CERS3: variants seen among roughly 807,000 people sequenced by gnomAD.
CERS3 encodes the protein ceramide synthase 3.
A neutral mutation model predicts 50.3 loss-of-function variants in CERS3; 33 were observed. The observed-to-expected ratio is 0.66, with a 90% CI of 0.50 to 0.88. The LOEUF (loss-of-function observed/expected upper bound fraction) is 0.88. CERS3 is among the 40% of genes least tolerant of loss of function. The pLI is 0.00. For synonymous variants in CERS3, 176 were observed against 155.2 expected (o/e 1.13, Z -0.99); for missense variants, 470 against 460.3 (o/e 1.02, Z -0.19).
chr15:100,451,738 C>A (rs1346775743), intron 11 of CERS3, among the ~76,000 whole-genome samples: 1 of 150,950 alleles, frequency 6.6e-6, no homozygotes, highest in Non-Finnish European at 1.5e-5. Flanking sequence ...AAACAAAAAA[C>A]CAAAACAAAA....
chr15:100,490,192 T>G (rs890529971), intron 4 of CERS3, among the ~76,000 whole-genome samples: 1 of 152,214 alleles, frequency 6.6e-6, no homozygotes, highest in Non-Finnish European at 1.5e-5. Context: ...TTTTAACTAT[T>G]AGATTAAAAA....
At chr15:100,415,481 G>T (rs145047358) in intron 11 of CERS3, among the ~76,000 whole-genome samples, 1,998 of 152,226 alleles carry the variant, frequency 0.013, 56 homozygotes, top group African/African-American at 0.046. Flanking sequence ...CTACTATAAA[G>T]ACACATGCAC....
intron 2 of CERS3, chr15:100,503,618 G>A (rs1596776085): frequency 2.2e-6 from 1 of 458,352 alleles, no homozygotes; most frequent in Non-Finnish European, 4.6e-6. Flanking sequence ...ATTCTCTCTA[G>A]GCAGACACAG....
chr15:100,476,388 AC>A (rs1222667596), intron 7 of CERS3, among the ~76,000 whole-genome samples: 1 of 152,208 alleles, frequency 6.6e-6, no homozygotes, highest in Non-Finnish European at 1.5e-5. Flanking sequence ...AGTATTCCAA[AC>A]CCAAGTTGAA....
intron 1 of CERS3, among the ~76,000 whole-genome samples, chr15:100,538,992 A>T (rs1467978026): frequency 6.6e-6 from 1 of 152,096 alleles, no homozygotes; most frequent in African/African-American, 2.4e-5. Context: ...CTTTTGAGAA[A>T]TTTCTTCCAC....
intron 3 of CERS3, among the ~76,000 whole-genome samples, chr15:100,495,866 T>C (rs1018100999): frequency 6.6e-6 from 1 of 152,242 alleles, no homozygotes; most frequent in African/African-American, 2.4e-5. Context: ...TACTAAGTTG[T>C]ACAACCATTA....
chr15:100,417,034 A>G (rs1179971975), intron 11 of CERS3, among the ~76,000 whole-genome samples: 2 of 152,244 alleles, frequency 1.3e-5, no homozygotes, highest in African/African-American at 2.4e-5. Context: ...ATACCATTTC[A>G]CACCAGTCAG....
intron 11 of CERS3, among the ~76,000 whole-genome samples, chr15:100,450,498 T>C (rs971932521): frequency 6.9e-6 from 1 of 144,482 alleles, no homozygotes; most frequent in African/African-American, 2.6e-5. Context: ...TTGAAAGAAC[T>C]CCATTAGATA....
intron 3 of CERS3, among the ~76,000 whole-genome samples, chr15:100,499,771 T>C (rs1377255703): frequency 2.6e-5 from 4 of 152,236 alleles, no homozygotes; most frequent in Admixed American, 6.5e-5. Flanking sequence ...TTGCTTTCTG[T>C]ATTCCCAAGA....
chr15:100,484,598 C>T lies in CERS3; in HGVS notation c.359G>A (p.Arg120Gln), dbSNP rs746497056. The T allele has an allele frequency of 3.7e-6, 6 of 1,614,012 alleles. No homozygotes were observed. Among genetic ancestry groups the T allele is most frequent in the African/African-American group, 2.7e-5 (2 of 74,904 alleles). The part of the protein sequence containing the change: ...ERQVERWFRS[R>Q]RNQERPSRLK... ...CCTGGAAGGCCTCTCTTGATTCCGC[C>T]GACTCCTAAACCATCTTTCCACCTG... The change falls in exon 5 of 12, where the codon CGG (arginine) becomes CAG (glutamine). Residue 120 changes from arginine to glutamine, a missense_variant. Arg to Gln is a conservative substitution (Grantham distance 43). Transcript: ENST00000679737.
Position 100,472,814 on chromosome 15 carries a change from G to C in CERS3, c.738+110C>G, listed in dbSNP as rs377439997. ...ATCTAGAGATATTCTCAGAATTTGG[G>C]TGTTTTCAGGACACAGAGCTCTGCT... On this transcript the variant is annotated intron_variant, in intron 9 of 11. Coordinates refer to ENST00000679737, the MANE Select transcript of CERS3 (RefSeq NM_001378789.1). 2.1e-4 allele frequency: 264 copies of C among 1,250,252 alleles called. 1 individual carries two copies. In the East Asian group the frequency reaches 4.8e-3, roughly 23 times the overall value. The allele number at this position is 1,250,252 out of a possible 1,614,324, so 77.4% of individuals were successfully genotyped here.
intron 3 of CERS3, among the ~76,000 whole-genome samples, chr15:100,499,004 C>G (rs1310372157): frequency 6.6e-6 from 1 of 152,180 alleles, no homozygotes; most frequent in Non-Finnish European, 1.5e-5. Context: ...AACAATACTT[C>G]TTCAATTTAT....
chr15:100,440,480 C>T (rs185358737), intron 11 of CERS3, among the ~76,000 whole-genome samples: 16 of 152,334 alleles, frequency 1.1e-4, no homozygotes, highest in South Asian at 2.1e-4. Context: ...TCCTATAAAA[C>T]GGCCCCACCC....
chr15:100,443,680 C>A (rs1450532237), intron 11 of CERS3, among the ~76,000 whole-genome samples: 1 of 139,864 alleles, frequency 7.1e-6, no homozygotes, highest in Non-Finnish European at 1.6e-5. Context: ...GCCCCCATTA[C>A]TTTAGTCAAG....
At position 100,490,941 on chromosome 15, in the gene CERS3, T is replaced by C. The variant is rs762229566; in HGVS notation, c.174-10A>G. 4 of 1,534,466 alleles carry C rather than the reference T, an allele frequency of 2.6e-6. No individual in the cohort carries two copies. Among genetic ancestry groups the C allele is most frequent in the Non-Finnish European group, 3.6e-6 (4 of 1,122,890 alleles). On this transcript the variant is annotated splice_polypyrimidine_tract_variant and intron_variant, in intron 3 of 11. Transcript: ENST00000679737. ...AGGTGAAGCAACAAATCTACAAAAA[T>C]ATGAAAAGAAAAAAAGTTCAAAATC... is the stretch of plus-strand genomic sequence containing the variant.
At position 100,411,590 on chromosome 15, in the gene CERS3, C is replaced by T. The variant is rs534669335; in HGVS notation, c.1000-8725G>A. 1.2e-4 allele frequency among the ~76,000 whole-genome samples: 18 copies of T among 152,220 alleles called. No homozygotes were observed. The South Asian group carries it at 1.9e-3, about 16-fold the overall frequency. On this transcript the variant is annotated intron_variant, in intron 11 of 11. Coordinates refer to ENST00000679737, the MANE Select transcript of CERS3 (RefSeq NM_001378789.1). ...TTAGTGATTGTGAATAATGCTGCTA[C>T]GAATATCAACACAGATATTGAAAAC...
At chr15:100,509,653 G>A (rs1235906704) in intron 2 of CERS3, among the ~76,000 whole-genome samples, 1 of 152,216 alleles carries the variant, frequency 6.6e-6, no homozygotes, top group African/African-American at 2.4e-5. Context: ...GTTGGCAAGA[G>A]CTTTTGAAGG....
chr15:100,431,903 A>G (rs2033154933), intron 11 of CERS3, among the ~76,000 whole-genome samples: 1 of 152,224 alleles, frequency 6.6e-6, no homozygotes, highest in Non-Finnish European at 1.5e-5. Flanking sequence ...TGAGGCAAAA[A>G]GTCTGGAATC....
intron 1 of CERS3, among the ~76,000 whole-genome samples, chr15:100,534,626 T>C (rs2037027920): frequency 6.6e-6 from 1 of 151,084 alleles, no homozygotes; most frequent in Non-Finnish European, 1.5e-5. Context: ...GCACATCTGA[T>C]GGCCTCATTT....
Sources: gnomAD v4.1 joint callset for allele counts (sites outside exome capture counted in the v4.1 genomes callset) on GRCh38, gnomAD v4.1.1 for gene constraint, MANE v1.5 for transcripts, NCBI Gene and HGNC (gene_info 2026-07-23, HGNC 2026-07-21) for gene names.